The following MTUS2 variants were observed in gnomAD, a reference collection of about 807,000 sequenced individuals.
MTUS2 encodes the protein microtubule associated scaffold protein 2, also known as microtubule-associated tumor suppressor candidate 2.
In MTUS2, 40 loss-of-function variants were observed where a neutral mutation model predicts 114.1. The observed-to-expected ratio is 0.35, with a 90% confidence interval of 0.27 to 0.46. MTUS2 has a LOEUF of 0.46. MTUS2 is among the 20% of genes least tolerant of loss of function. MTUS2 has a pLI of 1.00. For missense variants in MTUS2, 1,679 were observed against 1,705.4 expected, an observed-to-expected ratio of 0.98 and a Z score of 0.27; for synonymous variants, 688 against 672.0, an observed-to-expected ratio of 1.02 and a Z score of -0.37.
intron 8 of MTUS2, chr13:29,429,042 G>A: frequency 1.3e-6 from 1 of 755,558 alleles, no homozygotes; most frequent in Non-Finnish European, 2.3e-6. Flanking sequence ...TCGTTCCAAT[G>A]TGCTGAATTG....
At chr13:29,120,350 CTTG>C (rs1891257121) in intron 5 of MTUS2, among the ~76,000 whole-genome samples, 1 of 151,888 alleles carries the variant, frequency 6.6e-6, no homozygotes, top group South Asian at 2.1e-4. Context: ...CTCCTTCATT[CTTG>C]TTGTAATAGT....
At chr13:29,219,841 T>C (rs1198084257) in intron 5 of MTUS2, among the ~76,000 whole-genome samples, 1 of 152,238 alleles carries the variant, frequency 6.6e-6, no homozygotes, top group African/African-American at 2.4e-5. Context: ...TCAGCCTTCA[T>C]AGAATTGAAG....
chr13:29,046,117 A>AT (rs5802505), intron 4 of MTUS2, among the ~76,000 whole-genome samples: 3,903 of 144,298 alleles, frequency 0.027, 66 homozygotes, highest in Middle Eastern at 0.035. Flanking sequence ...GTTAGTAAGT[A>AT]TTTTTTTTTT....
At chr13:29,034,242 C>G (rs1886962882) in intron 4 of MTUS2, 117 bp downstream of exon 4, 3 of 1,362,520 alleles carry the variant, frequency 2.2e-6, no homozygotes, top group Non-Finnish European at 2.0e-6. Context: ...GAGCCTTTTT[C>G]TGTTCTTCCA....
At chr13:29,285,132 T>A (rs1898426483) in intron 6 of MTUS2, among the ~76,000 whole-genome samples, 1 of 146,266 alleles carries the variant, frequency 6.8e-6, no homozygotes, top group Non-Finnish European at 1.5e-5. Context: ...TGAATATCAA[T>A]AAGATTAGTA....
At chr13:29,001,321 C>T (rs1885374067) in intron 2 of MTUS2, among the ~76,000 whole-genome samples, 1 of 152,082 alleles carries the variant, frequency 6.6e-6, no homozygotes, top group Admixed American at 6.5e-5. Context: ...AGGGATCTCA[C>T]TGAGGAAAGA....
intron 4 of MTUS2, among the ~76,000 whole-genome samples, chr13:29,038,765 A>G (rs1036226086): frequency 3.3e-5 from 5 of 152,240 alleles, no homozygotes; most frequent in Non-Finnish European, 5.9e-5. Flanking sequence ...CTAGAGAGGC[A>G]GTCTGGTTAC....
chr13:28,852,933 C>CATACATACATACATAG (rs1566177548), intron 2 of MTUS2, among the ~76,000 whole-genome samples: 1 of 27,286 alleles, frequency 3.7e-5, no homozygotes. Flanking sequence ...ACATACATAG[C>CATACATACATACATAG]GAGCCTCTGT....
intron 2 of MTUS2, among the ~76,000 whole-genome samples, chr13:28,902,152 CATG>C (rs1879683192): frequency 6.6e-6 from 1 of 152,098 alleles, no homozygotes; most frequent in Non-Finnish European, 1.5e-5. Flanking sequence ...CATATAGAGA[CATG>C]ATTGATATTT....
chr13:28,934,904 A>G (rs952974141), intron 2 of MTUS2, among the ~76,000 whole-genome samples: 1 of 150,494 alleles, frequency 6.6e-6, no homozygotes, highest in Non-Finnish European at 1.5e-5. Context: ...TGTAACCACC[A>G]TCCCCATCAA....
intron 6 of MTUS2, among the ~76,000 whole-genome samples, chr13:29,314,624 A>G (rs1305947541): frequency 1.3e-5 from 2 of 152,218 alleles, no homozygotes; most frequent in Non-Finnish European, 2.9e-5. Context: ...ACTTATATCT[A>G]TGGAGATGAA....
chr13:29,197,228 TC>T (rs1213296544), intron 5 of MTUS2, among the ~76,000 whole-genome samples: 1 of 151,946 alleles, frequency 6.6e-6, no homozygotes, highest in Non-Finnish European at 1.5e-5. Flanking sequence ...TTGCCCCCCA[TC>T]CCCTGGACAG....
At chr13:28,933,574 CACA>C (rs1881736454) in intron 2 of MTUS2, among the ~76,000 whole-genome samples, 1 of 152,200 alleles carries the variant, frequency 6.6e-6, no homozygotes, top group Non-Finnish European at 1.5e-5. Context: ...AATTAACCAT[CACA>C]ACATATATTA....
intron 8 of MTUS2, among the ~76,000 whole-genome samples, chr13:29,372,868 A>C (rs1286940617): frequency 6.6e-6 from 1 of 152,124 alleles, no homozygotes; most frequent in Non-Finnish European, 1.5e-5. Flanking sequence ...GAGGAAGCAC[A>C]CTCCACCCTT....
intron 4 of MTUS2, among the ~76,000 whole-genome samples, chr13:29,066,312 G>A (rs762453538): frequency 1.3e-5 from 2 of 152,092 alleles, no homozygotes; most frequent in Admixed American, 6.5e-5. Context: ...CTCTCACCCC[G>A]CTGCAGCATA....
chr13:29,502,197 T>C (rs1225950083), intron 15 of MTUS2, among the ~76,000 whole-genome samples: 1 of 152,238 alleles, frequency 6.6e-6, no homozygotes, highest in Non-Finnish European at 1.5e-5. Flanking sequence ...GCAGAGCAAG[T>C]GCAGACTTTA....
At chr13:29,117,857 C>T (rs1891155000) in intron 5 of MTUS2, among the ~76,000 whole-genome samples, 1 of 152,120 alleles carries the variant, frequency 6.6e-6, no homozygotes, top group Non-Finnish European at 1.5e-5. Context: ...GTAAGGTTGG[C>T]GCCAACACAG....
At chr13:29,445,571 A>G (rs1330579239) in intron 9 of MTUS2, among the ~76,000 whole-genome samples, 2 of 152,158 alleles carry the variant, frequency 1.3e-5, no homozygotes, top group Non-Finnish European at 2.9e-5. Flanking sequence ...TGCACTTGGT[A>G]TACTCACCAA....
intron 7 of MTUS2, among the ~76,000 whole-genome samples, chr13:29,337,610 T>TA (rs1247543096): frequency 6.6e-6 from 1 of 151,224 alleles, no homozygotes; most frequent in Admixed American, 6.6e-5. Flanking sequence ...TTTCTATTTT[T>TA]TTTTTTTTGA....
Sources: allele counts gnomAD v4.1 joint callset (sites outside exome capture counted in the v4.1 genomes callset), GRCh38; gene constraint gnomAD v4.1.1; transcripts MANE v1.5; gene names NCBI Gene and HGNC (gene_info 2026-07-23, HGNC 2026-07-21).